USPL1: variants seen among roughly 807,000 people sequenced by gnomAD.
USPL1 encodes SUMO-specific isopeptidase USPL1.
A neutral mutation model predicts 51.5 loss-of-function variants in USPL1; 27 were observed. The ratio of observed to expected loss-of-function variants is 0.52; its 90% CI spans 0.39 to 0.72. The LOEUF (loss-of-function observed/expected upper bound fraction) is 0.72, where lower values mean the gene tolerates loss of function less well. Ranked by LOEUF, USPL1 falls within the 30% of genes least tolerant of loss-of-function variation. The probability of loss-of-function intolerance (pLI) is 0.00; values close to 1 mark genes in which losing one functional copy is unlikely to be tolerated. For synonymous variants in USPL1, 451 were observed against 459.6 expected (o/e 0.98, Z 0.24); for missense variants, 1,226 against 1,268.0 (o/e 0.97, Z 0.50).
rs141505225 is a variant in USPL1 at position 30,657,785 on chromosome 13, G to A, written c.1708G>A (p.Asp570Asn). The A allele has an allele frequency of 1.3e-5, 21 of 1,613,948 alleles. No individual in the cohort carries two copies. Among genetic ancestry groups the A allele is most frequent in the Admixed American group, 1.7e-5 (1 of 60,004 alleles). ...ACAGGACACAGCTGTAACTCATGGAGATCATTTACTTTCAGGTCCAAAAGG... is the reference window on the plus strand; with the variant it reads ...ACAGGACACAGCTGTAACTCATGGAAATCATTTACTTTCAGGTCCAAAAGG... ...LSQDTAVTHGDHLLSGPKGLV... is the reference protein window; with the variant it reads ...LSQDTAVTHGNHLLSGPKGLV... The change falls in exon 9 of 9, where the codon GAT becomes AAT. Residue 570 changes from aspartate to asparagine, a missense_variant. Transcript: ENST00000255304.
At position 30,660,649 on chromosome 13, in the gene USPL1, C is replaced by G. The variant is rs1350743491; in HGVS notation, c.*1293C>G. ...TAGAGTGCTGTGGAATGTAAACTTT[C>G]CCTATGTCACTTATCTCCTTTATCT... On this transcript the variant is annotated 3_prime_UTR_variant, in exon 9 of 9. Coordinates refer to ENST00000255304, the MANE Select transcript of USPL1 (RefSeq NM_005800.5). 3.3e-5 allele frequency: 5 copies of G among 152,236 alleles called. No homozygotes were observed. The highest frequency in any genetic ancestry group is 1.2e-4 in the African/African-American group (5 of 41,474). 9.4% of individuals were successfully genotyped at this position (152,236 alleles called of 1,614,324 possible).
chr13:30,639,632 T>C (rs1950921013), intron 5 of USPL1, among the ~76,000 whole-genome samples: 2 of 152,180 alleles, frequency 1.3e-5, no homozygotes, highest in Admixed American at 1.3e-4. Flanking sequence ...TGTACAGCTC[T>C]GTAACCCTCA....
chr13:30,656,396 A>C (rs931029247), intron 8 of USPL1, among the ~76,000 whole-genome samples: 1 of 152,174 alleles, frequency 6.6e-6, no homozygotes, highest in Non-Finnish European at 1.5e-5. Flanking sequence ...GGTAACCACT[A>C]TTCTACTTTC....
At chr13:30,623,998 C>T (rs1950678156) in intron 3 of USPL1, among the ~76,000 whole-genome samples, 1 of 152,164 alleles carries the variant, frequency 6.6e-6, no homozygotes, top group South Asian at 2.1e-4. Context: ...GCTGTCCTTG[C>T]AAACTAGTTA....
At chr13:30,623,700 A>G (rs1435331271) in intron 3 of USPL1, among the ~76,000 whole-genome samples, 1 of 152,312 alleles carries the variant, frequency 6.6e-6, no homozygotes, top group Middle Eastern at 3.4e-3. Context: ...TGGAAAGACC[A>G]CATGATTAGA....
intron 1 of USPL1, among the ~76,000 whole-genome samples, chr13:30,620,356 A>G (rs1461749723): frequency 6.6e-6 from 1 of 152,176 alleles, no homozygotes. Context: ...CACAATTAAA[A>G]TGCTCTTAAT....
In USPL1 at chr13:30,658,691, A is replaced by G. The variant is rs376249573; in HGVS notation, c.2614A>G (p.Ile872Val). The stretch of plus-strand genomic sequence containing the variant: ...CAACCACAGTTCTTATGGGAATGGT[A>G]TTTCTTCAGCAAACCATGAAGACTT... ...QLNHSSYGNG[I>V]SSANHEDLVE... The change falls in exon 9 of 9, where the codon ATT (isoleucine) becomes GTT (valine). Residue 872 changes from isoleucine (I) to valine (V), a missense_variant. Transcript: ENST00000255304. 7.4e-6 allele frequency: 12 copies of G among 1,614,126 alleles called. No homozygotes were observed. The highest frequency in any genetic ancestry group is 4.5e-5 in the East Asian group (2 of 44,904).
chr13:30,651,084 G>A (rs569299908), intron 7 of USPL1, among the ~76,000 whole-genome samples: 10 of 152,094 alleles, frequency 6.6e-5, no homozygotes, highest in Admixed American at 3.9e-4. Flanking sequence ...GTAAAACTCT[G>A]CATTATGGCT....
intron 8 of USPL1, 63 bp downstream of exon 8, chr13:30,653,368 G>T: frequency 7.0e-7 from 1 of 1,435,466 alleles, no homozygotes; most frequent in Admixed American, 2.4e-5. Flanking sequence ...AGCATGTGGG[G>T]ACTTTTTGGT....
chr13:30,651,810 T>C (rs575282334), intron 7 of USPL1, among the ~76,000 whole-genome samples: 2 of 152,130 alleles, frequency 1.3e-5, no homozygotes, highest in East Asian at 1.9e-4. Context: ...AAAATAGTAG[T>C]GTGTGGTATG....
intron 3 of USPL1, among the ~76,000 whole-genome samples, chr13:30,627,871 T>C (rs1248555200): frequency 6.6e-6 from 1 of 151,594 alleles, no homozygotes; most frequent in Admixed American, 6.6e-5. Context: ...ACCATTCTAG[T>C]TTCTGTTTCT....
At position 30,658,853 on chromosome 13, in the gene USPL1, G is replaced by T; in HGVS notation, c.2776G>T (p.Asp926Tyr). 6.2e-7 allele frequency: 1 copy of T among 1,613,936 alleles called. No homozygotes were observed. The highest frequency in any genetic ancestry group is 1.1e-5 in the South Asian group (1 of 91,084). The change falls in exon 9 of 9, where the codon GAT (aspartate) becomes TAT (tyrosine). Residue 926 changes from aspartate (D) to tyrosine (Y), a missense_variant. By Grantham distance (160) the Asp-to-Tyr change is radical. Transcript: ENST00000255304. ...TGAAAATCTAGAACAGGTGCCCCAG[G>T]ATGGGTCTCCAAATGATTGTGAATC... Reference protein sequence around the residue: ...RSENLEQVPQDGSPNDCESIE... With the variant: ...RSENLEQVPQYGSPNDCESIE...
At position 30,659,115 on chromosome 13, in the gene USPL1, A is replaced by T; in HGVS notation, c.3038A>T (p.Asp1013Val). 1 of 1,614,220 alleles carries T rather than the reference A, an allele frequency of 6.2e-7. No individual in the cohort carries two copies. The highest frequency in any genetic ancestry group is 8.5e-7 in the Non-Finnish European group (1 of 1,180,034). ...CCACCAGTACCAAGTGAATTCAATG[A>T]TGTTTCCCAGAACACACATCTGAGA... Reference protein sequence around the residue: ...IPPPVPSEFNDVSQNTHLRQD... With the variant: ...IPPPVPSEFNVVSQNTHLRQD... The change falls in exon 9 of 9, where the codon GAT (aspartate) becomes GTT (valine). Residue 1013 changes from aspartate to valine, a missense_variant. Physicochemically the swap from Asp to Val is radical, Grantham distance 152 (BLOSUM62 -3). Transcript: ENST00000255304.
chr13:30,625,054 T>C (rs1950693843), intron 3 of USPL1, among the ~76,000 whole-genome samples: 1 of 152,220 alleles, frequency 6.6e-6, no homozygotes, highest in Non-Finnish European at 1.5e-5. Context: ...CTTTTCTTTT[T>C]ATTTAGATTG....
rs763157847 is a variant in USPL1 at position 30,658,490 on chromosome 13, A to G, written c.2413A>G (p.Asn805Asp). 2.5e-6 allele frequency: 4 copies of G among 1,613,916 alleles called. No homozygotes were observed. The South Asian group carries it at 3.3e-5, about 13-fold the overall frequency. The change falls in exon 9 of 9, where the codon AAC becomes GAC. Residue 805 changes from asparagine (N) to aspartate (D), a missense_variant. Coordinates refer to ENST00000255304, the MANE Select transcript of USPL1 (RefSeq NM_005800.5). ...NFGGFKTKGINQKASHVSKKA... is the reference protein window; with the variant it reads ...NFGGFKTKGIDQKASHVSKKA... ...TGGTGGCTTTAAAACTAAAGGTATA[A>G]ACCAGAAGGCCAGCCACGTATCCAA...
intron 1 of USPL1, 149 bp from the exon 2 acceptor site, chr13:30,620,924 C>T (rs1033820170): frequency 4.8e-6 from 2 of 414,678 alleles, no homozygotes; most frequent in Non-Finnish European, 8.4e-6. Flanking sequence ...GTATCATTTT[C>T]ACTTCAAGAT....
In USPL1 at chr13:30,642,528, C is replaced by G. The variant is rs545544094; in HGVS notation, c.983-100C>G. The G allele has an allele frequency of 1.1e-5, 15 of 1,408,482 alleles. No homozygotes were observed. In the Admixed American group the frequency reaches 3.2e-4, roughly 30 times the overall value. The allele number at this position is 1,408,482 out of a possible 1,614,324, so 87.2% of individuals were successfully genotyped here. A position where few individuals can be genotyped will look rare whatever the true frequency, so the allele number is the denominator to read the frequency against. On this transcript the variant is annotated intron_variant, in intron 5 of 8. Transcript: ENST00000255304. ...GTGTCATACTGTATTAACACATATT[C>G]ATGCTGTAAATATAGTAAGAAAAGA...
intron 3 of USPL1, 137 bp from the exon 4 acceptor site, chr13:30,630,698 C>A (rs547449219): frequency 8.3e-6 from 8 of 968,602 alleles, no homozygotes; most frequent in Admixed American, 3.6e-5. Flanking sequence ...CTAATTTTTT[C>A]AAATTTATGT....
intron 5 of USPL1, among the ~76,000 whole-genome samples, chr13:30,639,733 C>T (rs1029888869): frequency 2.0e-5 from 3 of 152,134 alleles, no homozygotes; most frequent in Admixed American, 6.5e-5. Context: ...ATACTCATTT[C>T]AAAGGAGCTT....
Sources: gnomAD v4.1 joint callset for allele counts (sites outside exome capture counted in the v4.1 genomes callset) on GRCh38, gnomAD v4.1.1 for gene constraint, MANE v1.5 for transcripts, NCBI Gene and HGNC (gene_info 2026-07-23, HGNC 2026-07-21) for gene names.